The following INPP5A variants were observed in gnomAD, a reference collection of about 807,000 sequenced individuals.
INPP5A encodes inositol polyphosphate-5-phosphatase A, also known as 43 kDa inositol polyphosphate 5-phophatase.
Under a neutral mutation model 65.2 loss-of-function variants are expected in INPP5A, and 14 were observed. The observed-to-expected ratio is 0.21, with a 90% confidence interval of 0.14 to 0.34. The LOEUF (loss-of-function observed/expected upper bound fraction) is 0.34. Ranked by LOEUF, INPP5A falls within the 10% of genes least tolerant of loss-of-function variation. The pLI is 1.00. For missense variants in INPP5A, 431 were observed against 545.6 expected, an observed-to-expected ratio of 0.79 and a Z score of 2.09; for synonymous variants, 207 against 208.3, an observed-to-expected ratio of 0.99 and a Z score of 0.05.
chr10:132,588,762 C>T (rs1343019965), intron 1 of INPP5A, among the ~76,000 whole-genome samples: 5 of 152,150 alleles, frequency 3.3e-5, no homozygotes, highest in Non-Finnish European at 5.9e-5. Context: ...GTGTCACCAT[C>T]GGTGGTTGCC....
intron 9 of INPP5A, among the ~76,000 whole-genome samples, chr10:132,749,281 G>C (rs1030474712): frequency 7.2e-5 from 11 of 152,266 alleles, no homozygotes; most frequent in African/African-American, 2.7e-4. Context: ...CAGCTCCGGG[G>C]TGTCCTCACG....
At chr10:132,572,043 A>T (rs2071347880) in intron 1 of INPP5A, among the ~76,000 whole-genome samples, 1 of 152,236 alleles carries the variant, frequency 6.6e-6, no homozygotes, top group Non-Finnish European at 1.5e-5. Flanking sequence ...CATGCAGCAC[A>T]GGACGAGCCT....
intron 8 of INPP5A, among the ~76,000 whole-genome samples, chr10:132,724,968 A>T (rs1161416982): frequency 1.1e-3 from 146 of 132,472 alleles, no homozygotes; most frequent in African/African-American, 4.0e-3. Flanking sequence ...GGACGACAGG[A>T]GCACACGCCA....
chr10:132,774,250 T>C (rs1459343693), intron 12 of INPP5A, among the ~76,000 whole-genome samples: 1 of 152,240 alleles, frequency 6.6e-6, no homozygotes, highest in South Asian at 2.1e-4. Flanking sequence ...GCCTGCAGGC[T>C]GCACGGGAAG....
chr10:132,677,424 T>C lies in INPP5A; in HGVS notation c.307-12968T>C, dbSNP rs547520925. On this transcript the variant is annotated intron_variant, in intron 4 of 15. Coordinates refer to ENST00000368594, the MANE Select transcript of INPP5A (RefSeq NM_005539.5). ...GAAGGAGAAAGTGCCGGGTGCATATTTGTGGAATGTGAGTGGTGACTGAAT... is the reference window on the plus strand; with the variant it reads ...GAAGGAGAAAGTGCCGGGTGCATATCTGTGGAATGTGAGTGGTGACTGAAT... Among the ~76,000 whole-genome samples, 171 of 152,346 alleles carry C rather than the reference T, an allele frequency of 1.1e-3. 2 individuals carry two copies. The highest frequency in any genetic ancestry group is 4.0e-3 in the African/African-American group (166 of 41,580).
At chr10:132,729,388 A>G (rs934842962) in intron 9 of INPP5A, among the ~76,000 whole-genome samples, 3 of 152,024 alleles carry the variant, frequency 2.0e-5, no homozygotes, top group Admixed American at 2.0e-4. Context: ...GATCAGTCCT[A>G]TTTCTTAAAG....
At chr10:132,635,018 G>A (rs1057200064) in intron 2 of INPP5A, among the ~76,000 whole-genome samples, 2 of 152,238 alleles carry the variant, frequency 1.3e-5, no homozygotes, top group African/African-American at 4.8e-5. Context: ...CTCAGCTGAC[G>A]GAACTTCCTG....
chr10:132,631,949 T>C (rs2072280833), intron 2 of INPP5A, among the ~76,000 whole-genome samples: 1 of 152,206 alleles, frequency 6.6e-6, no homozygotes. Context: ...ACTTCCCCGA[T>C]AGTTCCAAGG....
At chr10:132,689,702 C>G (rs576076715) in intron 4 of INPP5A, among the ~76,000 whole-genome samples, 1 of 152,376 alleles carries the variant, frequency 6.6e-6, no homozygotes, top group South Asian at 2.1e-4. Flanking sequence ...GAAAATACCA[C>G]GTGAAACTTG....
intron 12 of INPP5A, among the ~76,000 whole-genome samples, chr10:132,775,259 G>A (rs1847043867): frequency 6.6e-6 from 1 of 151,486 alleles, no homozygotes; most frequent in Non-Finnish European, 1.5e-5. Context: ...GGCTAGCACA[G>A]GAGTACGATT....
At chr10:132,571,033 G>A (rs2071335410) in intron 1 of INPP5A, among the ~76,000 whole-genome samples, 1 of 152,240 alleles carries the variant, frequency 6.6e-6, no homozygotes, top group African/African-American at 2.4e-5. Context: ...TCGGGGCGTT[G>A]GAACATTCTC....
chr10:132,627,240 G>A lies in INPP5A; in HGVS notation c.118-18628G>A, dbSNP rs929773602. 5.9e-5 allele frequency among the ~76,000 whole-genome samples: 9 copies of A among 151,858 alleles called. No individual in the cohort carries two copies. Among genetic ancestry groups the A allele is most frequent in the African/African-American group, 2.2e-4 (9 of 41,110 alleles). On this transcript the variant is annotated intron_variant, in intron 2 of 15. Transcript: ENST00000368594. The surrounding 1 kb of genome is among the most constrained non-coding windows in gnomAD (Gnocchi z 6.6). ...GTCTCGTTTAGGCTCTCTGGTCTGT[G>A]GCATTTTGTGATGGAGCCTCTGCCG...
Position 132,648,055 on chromosome 10 carries a change from A to G in INPP5A, c.218+2087A>G, listed in dbSNP as rs532601802. 1.9e-4 allele frequency among the ~76,000 whole-genome samples: 29 copies of G among 152,378 alleles called. No individual in the cohort carries two copies. The South Asian group carries it at 5.4e-3, about 28-fold the overall frequency. On this transcript the variant is annotated intron_variant, in intron 3 of 15. Transcript: ENST00000368594. ...AATGAAGTCACTCAAAACAAAATCA[A>G]AATTCAGCCACTTCGGGAAAAGATA...
intron 9 of INPP5A, among the ~76,000 whole-genome samples, chr10:132,743,650 G>A (rs1042062213): frequency 3.3e-5 from 5 of 152,350 alleles, no homozygotes; most frequent in East Asian, 1.9e-4. Flanking sequence ...TCCTCGTCAC[G>A]TGTGGGGAGG....
intron 12 of INPP5A, among the ~76,000 whole-genome samples, chr10:132,769,468 A>G (rs2134680100): frequency 6.6e-6 from 1 of 152,324 alleles, no homozygotes; most frequent in East Asian, 1.9e-4. Context: ...AGGCCAGGAC[A>G]GCACCCAGGA....
intron 4 of INPP5A, among the ~76,000 whole-genome samples, chr10:132,682,185 G>T (rs748974239): frequency 1.3e-5 from 2 of 151,968 alleles, no homozygotes; most frequent in Non-Finnish European, 2.9e-5. Context: ...TCCTGGAGAT[G>T]GGAAGGTGGA....
intron 2 of INPP5A, among the ~76,000 whole-genome samples, chr10:132,631,076 T>A (rs572697546): frequency 2.0e-5 from 3 of 152,200 alleles, no homozygotes; most frequent in African/African-American, 7.2e-5. Flanking sequence ...CCCACACCCC[T>A]CCCCATGGTG....
chr10:132,740,249 T>A (rs1846249959), intron 9 of INPP5A, among the ~76,000 whole-genome samples: 1 of 152,346 alleles, frequency 6.6e-6, no homozygotes, highest in East Asian at 1.9e-4. Flanking sequence ...ATAGTAAACC[T>A]GGAACTTTGC....
At chr10:132,583,448 G>A (rs999989031) in intron 1 of INPP5A, among the ~76,000 whole-genome samples, 3 of 152,160 alleles carry the variant, frequency 2.0e-5, no homozygotes, top group Non-Finnish European at 2.9e-5. Context: ...GTGAGTCGGC[G>A]TGGGGAGCTG....
Sources: gnomAD v4.1 joint callset for allele counts (sites outside exome capture counted in the v4.1 genomes callset) on GRCh38, gnomAD v4.1.1 for gene constraint, Gnocchi (gnomAD v3.1) non-coding constraint, MANE v1.5 for transcripts, NCBI Gene and HGNC (gene_info 2026-07-23, HGNC 2026-07-21) for gene names.